EML1: variants seen among roughly 807,000 people sequenced by gnomAD.
The protein encoded by EML1 is echinoderm microtubule-associated protein-like 1.
A neutral mutation model predicts 110.4 loss-of-function variants in EML1; 27 were observed. That is an observed-to-expected ratio of 0.24 (90% CI 0.18 to 0.34). The LOEUF (loss-of-function observed/expected upper bound fraction) is 0.34, where lower values mean the gene tolerates loss of function less well. EML1 is among the 10% of genes least tolerant of loss of function. The pLI is 1.00. For synonymous variants in EML1, 344 were observed against 385.8 expected (o/e 0.89, Z 1.27); for missense variants, 741 against 1,030.9 (o/e 0.72, Z 3.85).
chr14:99,897,195 C>T lies in EML1; in HGVS notation c.728C>T (p.Thr243Met). 1.9e-6 allele frequency: 3 copies of T among 1,612,768 alleles called. No individual in the cohort carries two copies. Among genetic ancestry groups the T allele is most frequent in the Non-Finnish European group, 1.7e-6 (2 of 1,179,446 alleles). Residue 243 changes from threonine to methionine, a missense_variant, in exon 7 of 22, where the codon ACG (threonine) becomes ATG (methionine). Physicochemically the swap from Thr to Met is moderately conservative, Grantham distance 81. Transcript: ENST00000262233. ...CGTAACAACCTGTACTTGCTTCCGA[C>T]GGGAGAGACCGTCTACTTCATCGCA... Reference protein sequence around the residue: ...DCRNNLYLLPTGETVYFIASV... With the variant: ...DCRNNLYLLPMGETVYFIASV...
chr14:99,937,626 A>G (rs1282957735), intron 19 of EML1, among the ~76,000 whole-genome samples, 191 bp from the exon 20 acceptor site: 1 of 152,158 alleles, frequency 6.6e-6, no homozygotes, highest in Non-Finnish European at 1.5e-5. Flanking sequence ...ACCCAGGCCC[A>G]TGGGCTCGGG....
At chr14:99,862,626 A>G (rs1302840048) in intron 2 of EML1, among the ~76,000 whole-genome samples, 2 of 152,220 alleles carry the variant, frequency 1.3e-5, no homozygotes, top group Middle Eastern at 3.4e-3. Context: ...TTGTGGCTCA[A>G]ATTGTTCCAG....
upstream of EML1, among the ~76,000 whole-genome samples, chr14:99,788,704 G>T (rs941294668): frequency 6.6e-6 from 1 of 152,134 alleles, no homozygotes; most frequent in African/African-American, 2.4e-5. Flanking sequence ...TAAGTGCCCA[G>T]TTATAAAGCA....
rs2060596115 is a variant in EML1 at position 99,941,942 on chromosome 14, C to T, written c.*1830C>T. The stretch of plus-strand genomic sequence containing the variant: ...ATAATGGACAAAGGATACAAACACA[C>T]ACACATCTACTATTTTAGATAAATG... On this transcript the variant is annotated 3_prime_UTR_variant, in exon 22 of 22. Coordinates refer to ENST00000262233, the MANE Select transcript of EML1 (RefSeq NM_004434.3). 1 of 152,246 alleles carries T rather than the reference C, an allele frequency of 6.6e-6. No individual in the cohort carries two copies. Among genetic ancestry groups the T allele is most frequent in the Non-Finnish European group, 1.5e-5 (1 of 68,050 alleles). 9.4% of individuals were successfully genotyped at this position (152,246 alleles called of 1,614,324 possible). A position where few individuals can be genotyped will look rare whatever the true frequency, so the allele number is the denominator to read the frequency against.
intron 3 of EML1, among the ~76,000 whole-genome samples, chr14:99,871,747 T>C (rs762409100): frequency 2.6e-4 from 40 of 152,208 alleles, no homozygotes; most frequent in Non-Finnish European, 4.4e-5. Flanking sequence ...AAAACTTTAA[T>C]GGGCGAGGAA....
chr14:99,894,555 G>T (rs1398380352), intron 5 of EML1, 74 bp from the exon 6 acceptor site: 16 of 1,508,032 alleles, frequency 1.1e-5, no homozygotes, highest in Non-Finnish European at 1.4e-5. Flanking sequence ...TGAAAGGCTA[G>T]AGAGGATAAA....
intron 1 of EML1, among the ~76,000 whole-genome samples, chr14:99,814,948 C>G (rs2058142334): frequency 6.6e-6 from 1 of 152,114 alleles, no homozygotes; most frequent in Non-Finnish European, 1.5e-5. Context: ...AACAGCTGAG[C>G]TCAGAGAGGG....
chr14:99,800,869 G>C (rs529915073), intron 1 of EML1, among the ~76,000 whole-genome samples: 1 of 152,202 alleles, frequency 6.6e-6, no homozygotes, highest in South Asian at 2.1e-4. Context: ...CAGTGTAGGG[G>C]CAGGTTCGAC....
chr14:99,831,540 A>G (rs1349179673), intron 1 of EML1, among the ~76,000 whole-genome samples: 5 of 152,212 alleles, frequency 3.3e-5, no homozygotes, highest in Non-Finnish European at 7.3e-5. Flanking sequence ...CTAAGAGAGT[A>G]AAATGGTGGG....
At chr14:99,849,505 T>TTG (rs764449866) in intron 1 of EML1, among the ~76,000 whole-genome samples, 10,604 of 149,010 alleles carry the variant, frequency 0.071, 594 homozygotes, top group African/African-American at 0.16. Context: ...GTGTGTGTAT[T>TTG]TGTGTGTGTG....
intron 12 of EML1, among the ~76,000 whole-genome samples, chr14:99,910,831 TGC>T (rs2140050767): frequency 6.6e-6 from 1 of 152,300 alleles, no homozygotes; most frequent in South Asian, 2.1e-4. Context: ...TCAGAAAGCA[TGC>T]GTCCAGTTAA....
upstream of EML1, among the ~76,000 whole-genome samples, chr14:99,790,472 G>T (rs1206945424): frequency 6.6e-6 from 1 of 150,498 alleles, no homozygotes. Flanking sequence ...CAAATAACTA[G>T]GACTACAGGC....
At chr14:99,792,822 GC>G (rs1406075583), upstream of EML1, 1 of 152,354 alleles carries the variant, frequency 6.6e-6, no homozygotes, top group African/African-American at 2.4e-5. Flanking sequence ...GGGCCTTGCT[GC>G]CGCGGAAAAA....
At chr14:99,754,080 T>C (rs1008294642) in intron 1 of EML1, among the ~76,000 whole-genome samples, 7 of 152,222 alleles carry the variant, frequency 4.6e-5, no homozygotes, top group African/African-American at 1.7e-4. Flanking sequence ...TCTCTGGGAC[T>C]CAGTTTCCTG....
intron 1 of EML1, among the ~76,000 whole-genome samples, chr14:99,816,187 G>A (rs1046570405): frequency 4.0e-5 from 6 of 151,824 alleles, no homozygotes; most frequent in South Asian, 2.1e-4. Flanking sequence ...TTTTTTAGAC[G>A]GAGTCTCACT....
Position 99,919,425 on chromosome 14 carries a change from G to GACACACAC in EML1, c.1821-1333_1821-1326dup, listed in dbSNP as rs376238109. Among the ~76,000 whole-genome samples, 251 of 97,546 alleles carry GACACACAC rather than the reference G, an allele frequency of 2.6e-3. 1 individual carries two copies. Among genetic ancestry groups the GACACACAC allele is most frequent in the African/African-American group, 7.3e-3 (241 of 32,822 alleles). The allele number at this position is 97,546 out of a possible 152,430, so 64.0% of individuals were successfully genotyped here. A position where few individuals can be genotyped will look rare whatever the true frequency, so the allele number is the denominator to read the frequency against. Reference sequence around the variant, plus strand: ...ACACACACACATACGCATGCACACAGACACACACACACACACACACACACA... The same window carrying GACACACAC: ...ACACACACACATACGCATGCACACAGACACACACACACACACACACACACACACACACA... On this transcript the variant is annotated intron_variant, in intron 16 of 21. Transcript: ENST00000262233.
chr14:99,901,728 C>A (rs557204644), intron 9 of EML1, among the ~76,000 whole-genome samples: 208 of 152,140 alleles, frequency 1.4e-3, no homozygotes, highest in Admixed American at 3.1e-3. Context: ...TTGTCGCCAT[C>A]TTGGTTTTGG....
chr14:99,804,283 A>G (rs1047348667), intron 1 of EML1, among the ~76,000 whole-genome samples: 1 of 152,198 alleles, frequency 6.6e-6, no homozygotes, highest in Non-Finnish European at 1.5e-5. Flanking sequence ...GGTGGGGTCC[A>G]TGTCTCATTC....
chr14:99,778,218 T>A (rs1290106916), intron 1 of EML1, among the ~76,000 whole-genome samples: 1 of 152,234 alleles, frequency 6.6e-6, no homozygotes, highest in South Asian at 2.1e-4. Flanking sequence ...CTCTTCCTAA[T>A]ATAGTCATGT....
Sources: allele counts gnomAD v4.1 joint callset (sites outside exome capture counted in the v4.1 genomes callset), GRCh38; gene constraint gnomAD v4.1.1; transcripts MANE v1.5; gene names NCBI Gene and HGNC (gene_info 2026-07-23, HGNC 2026-07-21).